The following ZCWPW1 variants were observed in gnomAD, a reference collection of about 807,000 sequenced individuals.
ZCWPW1 encodes zinc finger CW-type PWWP domain protein 1.
A neutral mutation model predicts 81.3 loss-of-function variants in ZCWPW1; 56 were observed. That is an observed-to-expected ratio of 0.69 (90% CI 0.56 to 0.86). ZCWPW1 has a LOEUF of 0.86. Among genes scored for constraint, ZCWPW1 ranks in the 40% least tolerant of loss-of-function variants. The pLI, the probability that ZCWPW1 is intolerant of heterozygous loss-of-function variation, is 0.00. For synonymous variants in ZCWPW1, 250 were observed against 273.7 expected, an observed-to-expected ratio of 0.91 and a Z score of 0.86; for missense variants, 650 against 769.8, an observed-to-expected ratio of 0.84 and a Z score of 1.84.
In ZCWPW1 at chr7:100,419,753, T is replaced by A; in HGVS notation, c.159A>T (p.Ile53=). 6.2e-7 allele frequency: 1 copy of A among 1,614,182 alleles called. No homozygotes were observed. Among genetic ancestry groups the A allele is most frequent in the Non-Finnish European group, 8.5e-7 (1 of 1,180,046 alleles). ...TCTTTAAACTGGCCTTTGGCAGGCT[T>A]ATCCTGGCCTCTGTCTCTGGGGAAC... is the stretch of plus-strand genomic sequence containing the variant. ...GISSPETEAR[I]SLPKASLKKK... is the part of the protein sequence containing the mutation. Residue 53 remains isoleucine, a synonymous_variant, in exon 4 of 18, where the codon ATA becomes ATT. Coordinates refer to ENST00000684423, the MANE Select transcript of ZCWPW1 (RefSeq NM_001386010.1).
Position 100,404,199 on chromosome 7 carries a change from T to C in ZCWPW1, c.1300A>G (p.Asn434Asp). The C allele has an allele frequency of 6.2e-7, 1 of 1,614,174 alleles. No individual in the cohort carries two copies. Among genetic ancestry groups the C allele is most frequent in the African/African-American group, 1.3e-5 (1 of 75,052 alleles). The change falls in exon 14 of 18, where the codon AAC (asparagine) becomes GAC (aspartate). Residue 434 changes from asparagine to aspartate, a missense_variant. Transcript: ENST00000684423. ...FGFWSRFNGSNSNGERKDLQL... is the reference protein window; with the variant it reads ...FGFWSRFNGSDSNGERKDLQL... Reference sequence around the variant, plus strand: ...CTACCTTTTCTTTCCCCATTACTGTTAGATCCGTTGAATCGGCTCCAGAAA... The same window carrying C: ...CTACCTTTTCTTTCCCCATTACTGTCAGATCCGTTGAATCGGCTCCAGAAA...
intron 8 of ZCWPW1, among the ~76,000 whole-genome samples, chr7:100,413,877 C>G (rs1794689228): frequency 6.6e-6 from 1 of 152,124 alleles, no homozygotes; most frequent in Non-Finnish European, 1.5e-5. Context: ...AGCCACTGCG[C>G]CAGGCCTCTT....
chr7:100,404,943 T>C, intron 13 of ZCWPW1, 70 bp downstream of exon 13: 1 of 1,515,750 alleles, frequency 6.6e-7, no homozygotes, highest in South Asian at 1.1e-5. Flanking sequence ...CATCTTTGTC[T>C]GGACTGAGAA....
intron 17 of ZCWPW1, 61 bp downstream of exon 17, chr7:100,401,828 G>T (rs1050406830): frequency 1.1e-5 from 17 of 1,529,454 alleles, no homozygotes; most frequent in Non-Finnish European, 1.5e-5. Context: ...AATGATTCAG[G>T]GAGGGGAGAT....
intron 8 of ZCWPW1, 42 bp from the exon 9 acceptor site, chr7:100,409,586 C>G: frequency 7.0e-7 from 1 of 1,424,802 alleles, no homozygotes; most frequent in Non-Finnish European, 9.9e-7. Flanking sequence ...TAAAAATATG[C>G]TCTTCCTTCT....
chr7:100,412,947 G>A (rs1224019652), intron 8 of ZCWPW1, among the ~76,000 whole-genome samples: 80 of 151,992 alleles, frequency 5.3e-4, no homozygotes, highest in Admixed American at 5.2e-3. Flanking sequence ...GAGTGATGTG[G>A]TATGAACATA....
Position 100,416,315 on chromosome 7 carries a change from CTTT to C in ZCWPW1, c.618_620del (p.Lys208del). The C allele has an allele frequency of 2.5e-6, 4 of 1,614,016 alleles. No homozygotes were observed. Among genetic ancestry groups the C allele is most frequent in the Non-Finnish European group, 3.4e-6 (4 of 1,179,990 alleles). On this transcript the variant is annotated inframe_deletion, in exon 7 of 18. Coordinates refer to ENST00000684423, the MANE Select transcript of ZCWPW1 (RefSeq NM_001386010.1). ...TCTGACTGTACTTACGAGCTTCCTT[CTTT>C]CTTTTGCTTAAGGTGAGTCTATTGG...
intron 4 of ZCWPW1, 53 bp downstream of exon 4, chr7:100,419,577 A>C: frequency 6.5e-7 from 1 of 1,548,460 alleles, no homozygotes; most frequent in South Asian, 1.3e-5. Context: ...AGCCTGAGCC[A>C]GGGGTAAGGT....
rs867161138 is a variant in ZCWPW1, at chr7:100,415,715, T to A, written c.754+260A>T. On this transcript the variant is annotated intron_variant, in intron 8 of 17. Coordinates refer to ENST00000684423, the MANE Select transcript of ZCWPW1 (RefSeq NM_001386010.1). ...TTTTTACCACATTATCTCAAACTATTACCTTTCTTACCACATCTTCATTTT... is the reference window on the plus strand; with the variant it reads ...TTTTTACCACATTATCTCAAACTATAACCTTTCTTACCACATCTTCATTTT... Among the ~76,000 whole-genome samples, 4 of 152,234 alleles carry A rather than the reference T, an allele frequency of 2.6e-5. 1 individual carries two copies. The highest frequency in any genetic ancestry group is 2.9e-5 in the Non-Finnish European group (2 of 68,046).
At chr7:100,401,729 T>C (rs1346592304) in intron 17 of ZCWPW1, among the ~76,000 whole-genome samples, 160 bp downstream of exon 17, 1 of 152,254 alleles carries the variant, frequency 6.6e-6, no homozygotes, top group Non-Finnish European at 1.5e-5. Context: ...TCTGTTTCTA[T>C]AGTGTGTGCT....
At chr7:100,426,402 GA>G (rs1797338675) in intron 1 of ZCWPW1, among the ~76,000 whole-genome samples, 1 of 147,304 alleles carries the variant, frequency 6.8e-6, no homozygotes, top group African/African-American at 2.5e-5. Flanking sequence ...TGAAGCAGGA[GA>G]ATCACTTGAA....
At chr7:100,412,397 T>C (rs982774082) in intron 8 of ZCWPW1, among the ~76,000 whole-genome samples, 5 of 152,180 alleles carry the variant, frequency 3.3e-5, no homozygotes, top group Non-Finnish European at 7.4e-5. Context: ...CCTCCGCTCT[T>C]TCCCATCTCC....
At chr7:100,426,202 AG>A (rs1797291566) in intron 1 of ZCWPW1, among the ~76,000 whole-genome samples, 1 of 152,182 alleles carries the variant, frequency 6.6e-6, no homozygotes, top group Non-Finnish European at 1.5e-5. Context: ...GTATTTAAAG[AG>A]TATATTTCAG....
At chr7:100,406,257 G>A (rs943950441) in intron 12 of ZCWPW1, among the ~76,000 whole-genome samples, 2 of 152,136 alleles carry the variant, frequency 1.3e-5, no homozygotes, top group Non-Finnish European at 2.9e-5. Flanking sequence ...CACAACCATG[G>A]GCAGGGTGGA....
chr7:100,405,979 A>T (rs956332135), intron 12 of ZCWPW1, among the ~76,000 whole-genome samples: 1 of 152,164 alleles, frequency 6.6e-6, no homozygotes, highest in African/African-American at 2.4e-5. Context: ...AATCCCATGG[A>T]AATTTGAAAA....
chr7:100,423,927 G>A (rs541796722), intron 2 of ZCWPW1, among the ~76,000 whole-genome samples: 4 of 152,030 alleles, frequency 2.6e-5, no homozygotes, highest in South Asian at 2.1e-4. Context: ...AAAATTAGCC[G>A]GGCGTGGTGG....
chr7:100,421,835 G>A (rs1245153007), intron 2 of ZCWPW1, among the ~76,000 whole-genome samples: 1 of 152,118 alleles, frequency 6.6e-6, no homozygotes, highest in Non-Finnish European at 1.5e-5. Flanking sequence ...TGGGATTACA[G>A]GCATGCGCCA....
At chr7:100,408,720 T>A in intron 9 of ZCWPW1, 61 bp from the exon 10 acceptor site, 1 of 1,579,290 alleles carries the variant, frequency 6.3e-7, no homozygotes, top group Non-Finnish European at 8.6e-7. Context: ...AAGAGCTGGA[T>A]GAGAGCTGGG....
intron 6 of ZCWPW1, 118 bp from the exon 7 acceptor site, chr7:100,416,574 G>A: frequency 9.5e-7 from 1 of 1,054,638 alleles, no homozygotes; most frequent in African/African-American, 1.6e-5. Context: ...AAGACCTCCT[G>A]AGGCCATTTC....
Sources: gnomAD v4.1 joint callset for allele counts (sites outside exome capture counted in the v4.1 genomes callset) on GRCh38, gnomAD v4.1.1 for gene constraint, MANE v1.5 for transcripts, NCBI Gene and HGNC (gene_info 2026-07-23, HGNC 2026-07-21) for gene names.